The following RALGDS variants were observed in gnomAD, a reference collection of about 807,000 sequenced individuals.
RALGDS encodes the protein ral guanine nucleotide exchange factor.
In RALGDS, 44 loss-of-function variants were observed where a neutral mutation model predicts 99.8. The observed-to-expected ratio is 0.44, with a 90% CI of 0.35 to 0.57. The LOEUF (loss-of-function observed/expected upper bound fraction) is 0.57, where lower values mean the gene tolerates loss of function less well. RALGDS is among the 20% of genes least tolerant of loss of function. The pLI, the probability that RALGDS is intolerant of heterozygous loss-of-function variation, is 0.01. For missense variants in RALGDS, 1,022 were observed against 1,203.1 expected (o/e 0.85, Z 2.23); for synonymous variants, 529 against 505.0 (o/e 1.05, Z -0.64).
rs754648707 is a variant in RALGDS, at chr9:133,102,505, C to G, written c.1980G>C (p.Lys660Asn). ...ESASNTLRTK[K>N]NTAIVKRWSD... ...TCCAGCGCTTGACAATGGCTGTGTT[C>G]TTCTTGGTCCTGAGGGTGTTGCTGG... Residue 660 changes from lysine (K) to asparagine (N), a missense_variant, in exon 14 of 18, where the codon AAG becomes AAC. Physicochemically the swap from Lys to Asn is moderately conservative, Grantham distance 94. Transcript: ENST00000372050. The G allele has an allele frequency of 1.9e-6, 3 of 1,614,030 alleles. No individual in the cohort carries two copies. In the African/African-American group the frequency reaches 4.0e-5, roughly 22 times the overall value.
At chr9:133,116,018 G>A (rs1335706605) in intron 1 of RALGDS, among the ~76,000 whole-genome samples, 4 of 152,262 alleles carry the variant, frequency 2.6e-5, no homozygotes, top group African/African-American at 4.8e-5. Flanking sequence ...ACCCATGCCC[G>A]AGGACAGGAG....
intron 1 of RALGDS, among the ~76,000 whole-genome samples, chr9:133,112,407 G>C (rs184082762): frequency 1.2e-4 from 19 of 152,202 alleles, no homozygotes; most frequent in Admixed American, 7.2e-4. Context: ...CTAGTAACTG[G>C]CTTCTGCTCC....
chr9:133,126,594 C>T (rs1832167018), intron 1 of RALGDS, among the ~76,000 whole-genome samples: 2 of 152,204 alleles, frequency 1.3e-5, no homozygotes, highest in African/African-American at 2.4e-5. Flanking sequence ...TGACAACTGT[C>T]CCCCACTCCC....
chr9:133,122,230 G>T (rs958725516), upstream of RALGDS, among the ~76,000 whole-genome samples: 1 of 152,206 alleles, frequency 6.6e-6, no homozygotes, highest in Non-Finnish European at 1.5e-5. Context: ...AGTGAGGAAG[G>T]AAGACAGCCT....
chr9:133,100,471 C>T, intron 16 of RALGDS, 89 bp from the exon 17 acceptor site: 1 of 1,605,412 alleles, frequency 6.2e-7, no homozygotes, highest in Non-Finnish European at 8.5e-7. Flanking sequence ...CTGGAGTCCC[C>T]TCAGCACCAA....
chr9:133,123,499 G>T (rs981975618), upstream of RALGDS, among the ~76,000 whole-genome samples: 1 of 152,158 alleles, frequency 6.6e-6, no homozygotes, highest in African/African-American at 2.4e-5. Flanking sequence ...GGCTGGCCTG[G>T]CTCCCTCCCA....
upstream of RALGDS, among the ~76,000 whole-genome samples, chr9:133,126,183 CGCCCCCCCACACCCCCACCTA>C (rs1564248899): frequency 6.6e-6 from 1 of 151,528 alleles, no homozygotes; most frequent in East Asian, 1.9e-4. Flanking sequence ...CCCCAGCTCA[CGCCCCCCCACACCCCCACCTA>C]GCCTTCCCAG....
At chr9:133,148,541 G>C (rs1375280106) in intron 1 of RALGDS, among the ~76,000 whole-genome samples, 1 of 152,238 alleles carries the variant, frequency 6.6e-6, no homozygotes, top group Non-Finnish European at 1.5e-5. Context: ...GCCCCAGGAA[G>C]TGTGTGGTGT....
At chr9:133,107,357 G>A (rs1831116645) in intron 6 of RALGDS, 57 bp from the exon 7 acceptor site, 2 of 1,455,258 alleles carry the variant, frequency 1.4e-6, no homozygotes, top group South Asian at 1.2e-5. Flanking sequence ...GCTGGTGCTG[G>A]GGAAGCTGAG....
chr9:133,106,168 G>C, intron 8 of RALGDS, 152 bp from the exon 9 acceptor site: 1 of 672,902 alleles, frequency 1.5e-6, no homozygotes, highest in Non-Finnish European at 2.7e-6. Context: ...CAGGTCTGGG[G>C]AGGGGGCCTT....
chr9:133,129,189 G>T (rs749882914), intron 1 of RALGDS: 2 of 1,597,114 alleles, frequency 1.3e-6, no homozygotes, highest in Non-Finnish European at 1.7e-6. Context: ...GTCGGGCTTT[G>T]GAGAGCGGCA....
chr9:133,101,505 C>T lies in RALGDS; in HGVS notation c.2454+15G>A, dbSNP rs1471282789. 12 of 1,610,670 alleles carry T rather than the reference C, an allele frequency of 7.5e-6. No homozygotes were observed. The highest frequency in any genetic ancestry group is 1.7e-5 in the Admixed American group (1 of 60,026). On this transcript the variant is annotated intron_variant, in intron 16 of 17. Coordinates refer to ENST00000372050, the MANE Select transcript of RALGDS (RefSeq NM_006266.4). ...CCAGTGGAGGGAGGCACCCAGGCCA[C>T]CCCCGCCGGCTTACCAGGATGCTCT...
intron 1 of RALGDS, chr9:133,129,207 C>T (rs773193558): frequency 1.1e-5 from 17 of 1,597,206 alleles, no homozygotes; most frequent in Middle Eastern, 1.7e-4. Flanking sequence ...GCACGACGGG[C>T]GACGGCCCTT....
chr9:133,101,754 T>G lies in RALGDS; in HGVS notation c.2220A>C (p.Glu740Asp), dbSNP rs1013452005. The change falls in exon 16 of 18, where the codon GAA becomes GAC. Residue 740 changes from glutamate (E) to aspartate (D), a missense_variant. By Grantham distance (45) the Glu-to-Asp change is conservative. Transcript: ENST00000372050. ...TCTCCGGGGATGACTGTGAGGCTGA[T>G]TCCCAGAACTGAGGGAGACGGTAAG... Reference protein sequence around the residue: ...SPDGQEKKFWESASQSSPETS... With the variant: ...SPDGQEKKFWDSASQSSPETS... 1.2e-5 allele frequency: 19 copies of G among 1,608,226 alleles called. No individual in the cohort carries two copies. The highest frequency in any genetic ancestry group is 1.6e-5 in the Non-Finnish European group (19 of 1,177,338).
rs201086588 is a variant in RALGDS at position 133,130,654 on chromosome 9, CACA to C, written c.132+295_132+297del. ...AGTTGTAAACAACCACCACCACCAC[CACA>C]ACAATACAACAACTTACTACCTTGT... On this transcript the variant is annotated intron_variant, in intron 1 of 17. Transcript: ENST00000372062. 1.1e-3 allele frequency among the ~76,000 whole-genome samples: 166 copies of C among 152,258 alleles called. 4 individuals carry two copies. The East Asian group carries it at 0.03, about 28-fold the overall frequency.
rs375145110 is a variant in RALGDS at position 133,101,673 on chromosome 9, C to A, written c.2301G>T (p.Thr767=). ...TGTGGGTGCGTGTGGCAGCCACGGG[C>A]GTGGTGGAGGCTGAGGAGGACGAGG... The part of the protein sequence containing the change: ...SSTSSSSAST[T]PVAATRTHKR... The change falls in exon 16 of 18, where the codon ACG becomes ACT. Residue 767 remains threonine (T), a synonymous_variant. Coordinates refer to ENST00000372050, the MANE Select transcript of RALGDS (RefSeq NM_006266.4). 4 of 1,613,774 alleles carry A rather than the reference C, an allele frequency of 2.5e-6. No individual in the cohort carries two copies. Among genetic ancestry groups the A allele is most frequent in the Non-Finnish European group, 3.4e-6 (4 of 1,180,006 alleles).
chr9:133,100,739 A>G, intron 16 of RALGDS: 1 of 1,181,968 alleles, frequency 8.5e-7, no homozygotes. Context: ...TCCCTAGTCC[A>G]AGCCCTGGAG....
intron 11 of RALGDS, among the ~76,000 whole-genome samples, chr9:133,103,464 T>C (rs1476990942): frequency 6.6e-6 from 1 of 152,042 alleles, no homozygotes; most frequent in African/African-American, 2.4e-5. Context: ...CGGAGGACAA[T>C]GGACTGAGGC....
chr9:133,148,788 G>A (rs1832667843), intron 1 of RALGDS, among the ~76,000 whole-genome samples: 1 of 152,188 alleles, frequency 6.6e-6, no homozygotes, highest in Non-Finnish European at 1.5e-5. Flanking sequence ...GCGAGTCCCT[G>A]CCCCTCTCCT....
Sources: allele counts gnomAD v4.1 joint callset (sites outside exome capture counted in the v4.1 genomes callset), GRCh38; gene constraint gnomAD v4.1.1; transcripts MANE v1.5; gene names NCBI Gene and HGNC (gene_info 2026-07-23, HGNC 2026-07-21).